Variants in SHISAL2A observed in about 807,000 individuals in gnomAD.
The protein encoded by SHISAL2A is shisa like 2A.
In SHISAL2A, 18 loss-of-function variants were observed where a neutral mutation model predicts 11.5. The ratio of observed to expected loss-of-function variants is 1.57; its 90% CI spans 1.08 to 2.33. SHISAL2A has a LOEUF of 2.33. Ranked by LOEUF, SHISAL2A falls within the 30% of genes most tolerant of loss-of-function variation. The pLI, the probability that SHISAL2A is intolerant of heterozygous loss-of-function variation, is 0.00. For synonymous variants in SHISAL2A, 94 were observed against 99.6 expected (o/e 0.94, Z 0.34); for missense variants, 261 against 250.9 (o/e 1.04, Z -0.27).
chr1:52,638,649 CA>C (rs1321500799), intron 1 of SHISAL2A, among the ~76,000 whole-genome samples: 5 of 152,168 alleles, frequency 3.3e-5, no homozygotes. Flanking sequence ...AAGAAGCCAA[CA>C]ATGGGTGTAT....
Position 52,642,467 on chromosome 1 carries a change from C to T in SHISAL2A, c.183-396C>T, listed in dbSNP as rs528208809. Among the ~76,000 whole-genome samples, 5 of 151,704 alleles carry T rather than the reference C, an allele frequency of 3.3e-5. No individual in the cohort carries two copies. In the East Asian group the frequency reaches 7.7e-4, roughly 24 times the overall value. ...TTGAGATGGAGTCTTGCTCTGTCAC[C>T]CAAGCTGGAGTGCAGTGGCACGATC... is the stretch of plus-strand genomic sequence containing the variant. On this transcript the variant is annotated intron_variant, in intron 1 of 2. Coordinates refer to ENST00000517870, the MANE Select transcript of SHISAL2A (RefSeq NM_001042693.3).
chr1:52,635,783 G>A (rs1286051032), intron 1 of SHISAL2A, among the ~76,000 whole-genome samples: 1 of 152,144 alleles, frequency 6.6e-6, no homozygotes, highest in East Asian at 1.9e-4. Flanking sequence ...TTTTAGGAAG[G>A]GGCTGTTATC....
chr1:52,661,779 C>G (rs1243785217), downstream of SHISAL2A, among the ~76,000 whole-genome samples: 2 of 152,168 alleles, frequency 1.3e-5, no homozygotes, highest in Admixed American at 1.3e-4. Flanking sequence ...CAGCTATAAT[C>G]CCAGCACTTT....
intron 4 of SHISAL2A, among the ~76,000 whole-genome samples, chr1:52,666,833 G>A (rs1212997347): frequency 2.0e-5 from 3 of 152,162 alleles, no homozygotes; most frequent in South Asian, 2.1e-4. Flanking sequence ...AGCTGGGCAC[G>A]GCCAAAGTCC....
At position 52,668,007 on chromosome 1, in the gene SHISAL2A, GCCCACCCA is replaced by G. The variant is rs1197167325; in HGVS notation, n.876+429_876+436del. Among the ~76,000 whole-genome samples, 3 of 152,112 alleles carry G rather than the reference GCCCACCCA, an allele frequency of 2.0e-5. No individual in the cohort carries two copies. The East Asian group carries it at 5.8e-4, about 29-fold the overall frequency. ...GAGATGGTCACCCCGGGAGTAAATGGCCCACCCAGCTGTTGGGATGAGTACATAGCTAA... is the reference window on the plus strand; with the variant it reads ...GAGATGGTCACCCCGGGAGTAAATGGGCTGTTGGGATGAGTACATAGCTAA... On this transcript the variant is annotated intron_variant and non_coding_transcript_variant, in intron 5 of 5. Coordinates refer to the SHISAL2A transcript ENST00000401050.
intron 2 of SHISAL2A, among the ~76,000 whole-genome samples, chr1:52,653,498 T>A (rs1404727733): frequency 1.3e-5 from 2 of 151,702 alleles, no homozygotes; most frequent in East Asian, 3.9e-4. Context: ...CCGGGCATGA[T>A]GGCATGTGGC....
intron 2 of SHISAL2A, among the ~76,000 whole-genome samples, chr1:52,654,892 A>G (rs1262046854): frequency 1.3e-5 from 2 of 152,248 alleles, no homozygotes; most frequent in African/African-American, 4.8e-5. Flanking sequence ...GACAAAATAT[A>G]TAAGGATTGG....
At chr1:52,652,688 G>C (rs1445856491) in intron 2 of SHISAL2A, among the ~76,000 whole-genome samples, 1 of 152,006 alleles carries the variant, frequency 6.6e-6, no homozygotes, top group Non-Finnish European at 1.5e-5. Context: ...TGTTTGGGCC[G>C]GGCGCAGTGG....
intron 1 of SHISAL2A, chr1:52,639,900 C>T (rs61780594): frequency 0.033 from 5,079 of 152,212 alleles, 155 homozygotes; most frequent in Middle Eastern, 0.11. Context: ...GCAACCCTCT[C>T]GCCTCAGCCT....
chr1:52,633,277 C>CT lies in SHISAL2A; in HGVS notation c.-216dup, dbSNP rs1691166728. The CT allele has an allele frequency of 2.6e-6, 1 of 383,038 alleles. No homozygotes were observed. The highest frequency in any genetic ancestry group is 2.1e-5 in the African/African-American group (1 of 47,538). The allele number at this position is 383,038 out of a possible 1,614,324, so 23.7% of individuals were successfully genotyped here. A position where few individuals can be genotyped will look rare whatever the true frequency, so the allele number is the denominator to read the frequency against. ...CGCCGGCCCCCGCCGCCCGCCCCGC[C>CT]TGCCCCTACCCCTCCGCGCGGGCCG... On this transcript the variant is annotated 5_prime_UTR_variant, in exon 1 of 3. Transcript: ENST00000517870. This position sits in a 1 kb window ranked among gnomAD's most constrained non-coding sequence, Gnocchi z 6.4.
intron 1 of SHISAL2A, among the ~76,000 whole-genome samples, chr1:52,639,817 C>G (rs570806794): frequency 4.6e-5 from 7 of 152,128 alleles, no homozygotes; most frequent in Non-Finnish European, 1.0e-4. Flanking sequence ...GAGACAGGGT[C>G]TTGCTCTGTC....
At chr1:52,658,038 A>G (rs1400819427), downstream of SHISAL2A, among the ~76,000 whole-genome samples, 1 of 110,482 alleles carries the variant, frequency 9.1e-6, no homozygotes. Context: ...TTAAATTACT[A>G]GAAGACTTTT....
chr1:52,655,290 G>A (rs1490052406), intron 2 of SHISAL2A, among the ~76,000 whole-genome samples: 2 of 151,794 alleles, frequency 1.3e-5, no homozygotes, highest in African/African-American at 4.8e-5. Flanking sequence ...GACTTGAACA[G>A]ACACTTCATT....
At chr1:52,650,577 T>C (rs976754452) in intron 2 of SHISAL2A, among the ~76,000 whole-genome samples, 5 of 152,140 alleles carry the variant, frequency 3.3e-5, no homozygotes, top group African/African-American at 1.2e-4. Flanking sequence ...ATTTTCATTA[T>C]TATTAGGCGC....
downstream of SHISAL2A, chr1:52,657,156 A>C (rs956418833): frequency 5.0e-5 from 69 of 1,368,650 alleles, no homozygotes; most frequent in East Asian, 3.7e-4. Flanking sequence ...CAGCAAAGAT[A>C]CCCAGCCCTG....
At chr1:52,639,909 C>T (rs1304302394) in intron 1 of SHISAL2A, 1 of 152,132 alleles carries the variant, frequency 6.6e-6, no homozygotes, top group Non-Finnish European at 1.5e-5. Flanking sequence ...TCGCCTCAGC[C>T]TCCTGAGTAG....
chr1:52,642,842 C>G (rs760729747), intron 1 of SHISAL2A, 21 bp from the exon 2 acceptor site: 2 of 1,611,874 alleles, frequency 1.2e-6, no homozygotes, highest in Non-Finnish European at 1.7e-6. Flanking sequence ...TCTCAGCTCC[C>G]ATGTGGTCTT....
intron 2 of SHISAL2A, among the ~76,000 whole-genome samples, chr1:52,649,954 G>A (rs1691590154): frequency 6.6e-6 from 1 of 152,046 alleles, no homozygotes; most frequent in African/African-American, 2.4e-5. Flanking sequence ...TGTATAGATG[G>A]GGCAGCTGAG....
chr1:52,658,528 T>C (rs1691843265), downstream of SHISAL2A, among the ~76,000 whole-genome samples: 1 of 152,244 alleles, frequency 6.6e-6, no homozygotes, highest in Non-Finnish European at 1.5e-5. Flanking sequence ...TCCTCTCATC[T>C]ATATAAGCTG....
Sources: gnomAD v4.1 joint callset for allele counts (sites outside exome capture counted in the v4.1 genomes callset) on GRCh38, gnomAD v4.1.1 for gene constraint, Gnocchi (gnomAD v3.1) non-coding constraint, MANE v1.5 for transcripts, NCBI Gene and HGNC (gene_info 2026-07-23, HGNC 2026-07-21) for gene names.